Variants in CDH13 observed in about 807,000 individuals in gnomAD.
CDH13 encodes the protein cadherin-13.
In CDH13, 24 loss-of-function variants were observed where a neutral mutation model predicts 63.8. That is an observed-to-expected ratio of 0.38 (90% CI 0.27 to 0.53). The LOEUF (loss-of-function observed/expected upper bound fraction) is 0.53. Ranked by LOEUF, CDH13 falls within the 20% of genes least tolerant of loss-of-function variation. The probability of loss-of-function intolerance (pLI) is 0.85; values close to 1 mark genes in which losing one functional copy is unlikely to be tolerated. For missense variants in CDH13, 1,049 were observed against 903.1 expected, an observed-to-expected ratio of 1.16 and a Z score of -2.07; for synonymous variants, 503 against 355.3, an observed-to-expected ratio of 1.42 and a Z score of -4.67.
At chr16:83,523,974 G>A (rs1374130717) in intron 7 of CDH13, among the ~76,000 whole-genome samples, 1 of 152,168 alleles carries the variant, frequency 6.6e-6, no homozygotes, top group Non-Finnish European at 1.5e-5. Flanking sequence ...AAAGTCCCCA[G>A]GAGTATTTGC....
chr16:83,186,767 T>A (rs1445731708), intron 4 of CDH13, among the ~76,000 whole-genome samples: 1 of 152,010 alleles, frequency 6.6e-6, no homozygotes, highest in Non-Finnish European at 1.5e-5. Context: ...CTTGAAAGAA[T>A]GAGACAAGTC....
At chr16:83,446,558 A>G (rs2072694220) in intron 6 of CDH13, among the ~76,000 whole-genome samples, 1 of 152,218 alleles carries the variant, frequency 6.6e-6, no homozygotes, top group African/African-American at 2.4e-5. Flanking sequence ...ATTCTGCTGA[A>G]CAATGGAAGA....
At chr16:83,623,948 G>A (rs980248346) in intron 8 of CDH13, among the ~76,000 whole-genome samples, 7 of 152,168 alleles carry the variant, frequency 4.6e-5, no homozygotes, top group African/African-American at 1.2e-4. Flanking sequence ...CACTCATTTC[G>A]TTGTTAGGAA....
chr16:83,428,515 C>G (rs537712408), intron 6 of CDH13, among the ~76,000 whole-genome samples: 1 of 152,138 alleles, frequency 6.6e-6, no homozygotes, highest in African/African-American at 2.4e-5. Context: ...ATGGAGATAA[C>G]AATAACTTTT....
At position 83,378,344 on chromosome 16, in the gene CDH13, G is replaced by C. The variant is rs554063722; in HGVS notation, c.781+33338G>C. Among the ~76,000 whole-genome samples, 18 of 152,330 alleles carry C rather than the reference G, an allele frequency of 1.2e-4. No homozygotes were observed. In the South Asian group the frequency reaches 2.3e-3, roughly 19 times the overall value. ...TAGCTCACATGTGGCCTCCTGTTCA[G>C]CGGAGAGGGACTTCTTGGAGAGGTG... is the stretch of plus-strand genomic sequence containing the variant. On this transcript the variant is annotated intron_variant, in intron 6 of 13. Transcript: ENST00000567109.
At chr16:82,859,731 A>G (rs2039855436) in intron 2 of CDH13, 1 of 151,208 alleles carries the variant, frequency 6.6e-6, no homozygotes, top group African/African-American at 2.5e-5. Flanking sequence ...TAAAGGAAAG[A>G]CAAGAAAAAA....
chr16:83,372,641 A>T (rs1432549582), intron 6 of CDH13, among the ~76,000 whole-genome samples: 1 of 150,732 alleles, frequency 6.6e-6, no homozygotes, highest in African/African-American at 2.4e-5. Flanking sequence ...AGTCCCAGCT[A>T]CTCGGGAGGC....
intron 2 of CDH13, among the ~76,000 whole-genome samples, chr16:82,991,841 AC>A (rs200143779): frequency 0.14 from 21,133 of 152,004 alleles, 1,791 homozygotes; most frequent in African/African-American, 0.24. Flanking sequence ...GAAATTTAAA[AC>A]TTTAATTCTG....
intron 10 of CDH13, chr16:83,735,655 CT>C (rs1196843278): frequency 6.6e-6 from 1 of 152,170 alleles, no homozygotes; most frequent in African/African-American, 2.4e-5. Flanking sequence ...TTCTTATACT[CT>C]GAGTATCCTC....
At chr16:83,439,514 C>G (rs1392710825) in intron 6 of CDH13, among the ~76,000 whole-genome samples, 1 of 152,222 alleles carries the variant, frequency 6.6e-6, no homozygotes, top group African/African-American at 2.4e-5. Flanking sequence ...TATTCGGAAG[C>G]ATGGGTAGTT....
intron 3 of CDH13, among the ~76,000 whole-genome samples, chr16:83,048,853 T>C (rs895811517): frequency 6.6e-6 from 1 of 152,110 alleles, no homozygotes; most frequent in Non-Finnish European, 1.5e-5. Flanking sequence ...ACCAAATTAT[T>C]TCTCCTTCAA....
At chr16:82,646,272 C>T (rs373269742) in intron 1 of CDH13, 1 of 152,254 alleles carries the variant, frequency 6.6e-6, no homozygotes, top group Non-Finnish European at 1.5e-5. Flanking sequence ...TCACTGCAAC[C>T]TCCATCTCCA....
chr16:83,433,994 G>A (rs972931726), intron 6 of CDH13, among the ~76,000 whole-genome samples: 16 of 152,086 alleles, frequency 1.1e-4, no homozygotes, highest in South Asian at 2.1e-4. Flanking sequence ...TTCTAGCAAG[G>A]TTAATATGCA....
chr16:83,359,764 C>T (rs1374118398), intron 6 of CDH13, among the ~76,000 whole-genome samples: 1 of 152,214 alleles, frequency 6.6e-6, no homozygotes, highest in Non-Finnish European at 1.5e-5. Context: ...TTCTCTCTCT[C>T]ACTCTTTCTC....
chr16:83,465,563 C>A (rs1031199216), intron 6 of CDH13, among the ~76,000 whole-genome samples: 1 of 152,164 alleles, frequency 6.6e-6, no homozygotes, highest in Non-Finnish European at 1.5e-5. Flanking sequence ...ATGGAAGCCG[C>A]CTTTTTAATT....
At chr16:83,733,558 C>G (rs1011838077) in intron 10 of CDH13, among the ~76,000 whole-genome samples, 1 of 152,220 alleles carries the variant, frequency 6.6e-6, no homozygotes. Flanking sequence ...GCTCAGCCAT[C>G]TATCTCACTG....
intron 2 of CDH13, among the ~76,000 whole-genome samples, chr16:83,018,167 C>T (rs1410534714): frequency 6.6e-6 from 1 of 152,122 alleles, no homozygotes; most frequent in Non-Finnish European, 1.5e-5. Context: ...TCAGTCTCTC[C>T]CAGCTTATCT....
intron 5 of CDH13, among the ~76,000 whole-genome samples, chr16:83,279,824 A>C (rs996777322): frequency 6.8e-6 from 1 of 147,022 alleles, no homozygotes; most frequent in African/African-American, 2.6e-5. Flanking sequence ...GGAATATCAC[A>C]ATGAAGTGAG....
chr16:82,969,005 G>C (rs183931345), intron 2 of CDH13, among the ~76,000 whole-genome samples: 3 of 152,264 alleles, frequency 2.0e-5, no homozygotes, highest in Admixed American at 2.0e-4. Context: ...TGCTCAGGAG[G>C]CTGAGGCAGG....
Sources: allele counts gnomAD v4.1 joint callset (sites outside exome capture counted in the v4.1 genomes callset), GRCh38; gene constraint gnomAD v4.1.1; transcripts MANE v1.5; gene names NCBI Gene and HGNC (gene_info 2026-07-23, HGNC 2026-07-21).